SLC12A6: variants seen among roughly 807,000 people sequenced by gnomAD.
SLC12A6 encodes K-Cl cotransporter 3.
Under a neutral mutation model 135.3 loss-of-function variants are expected in SLC12A6, and 66 were observed. The observed-to-expected ratio is 0.49, with a 90% confidence interval of 0.40 to 0.60. The LOEUF (loss-of-function observed/expected upper bound fraction) is 0.60, where lower values mean the gene tolerates loss of function less well. Ranked by LOEUF, SLC12A6 falls within the 20% of genes least tolerant of loss-of-function variation. The probability of loss-of-function intolerance (pLI) is 0.00; values close to 1 mark genes in which losing one functional copy is unlikely to be tolerated. For synonymous variants in SLC12A6, 513 were observed against 508.8 expected (o/e 1.01, Z -0.11); for missense variants, 1,058 against 1,452.3 (o/e 0.73, Z 4.41).
In SLC12A6 at chr15:34,296,117, A is replaced by T. The variant is rs114996450; in HGVS notation, c.272-20728T>A. ...AATTTTATTAATGATTCCAATTCAA[A>T]TAAACAATGATAATTTAATTCCATA... On this transcript the variant is annotated intron_variant, in intron 2 of 25. Coordinates refer to ENST00000354181, the MANE Select transcript of SLC12A6 (RefSeq NM_001365088.1). Among the ~76,000 whole-genome samples the T allele has an allele frequency of 6.2e-3, 942 of 152,356 alleles. 15 individuals are homozygous for T. Among genetic ancestry groups the T allele is most frequent in the African/African-American group, 0.021 (882 of 41,594 alleles).
intron 2 of SLC12A6, among the ~76,000 whole-genome samples, chr15:34,310,791 TGTGTGTGTGTGTGTGTGTGTGTGTGTG>T: frequency 8.2e-6 from 1 of 122,198 alleles, no homozygotes; most frequent in East Asian, 2.6e-4. Context: ...TGTGTGTGTG[TGTGTGTGTGTGTGTGTGTGTGTGTGTG>T]TCCCGTGTCC....
At chr15:34,280,333 G>A (rs1349401212) in intron 2 of SLC12A6, among the ~76,000 whole-genome samples, 2 of 152,132 alleles carry the variant, frequency 1.3e-5, no homozygotes, top group African/African-American at 4.8e-5. Context: ...AAAGAAGTAG[G>A]CATGACCAAG....
chr15:34,327,463 G>A (rs981530182), intron 2 of SLC12A6, among the ~76,000 whole-genome samples: 3 of 151,990 alleles, frequency 2.0e-5, no homozygotes, highest in Non-Finnish European at 2.9e-5. Flanking sequence ...TCAAGAGTTC[G>A]AGACCTAAAC....
chr15:34,252,287 A>T lies in SLC12A6; in HGVS notation c.1216T>A (p.Trp406Arg). Reference sequence around the variant, plus strand: ...TGACTCGAGTTACAGAAGAATCCCCATAACTTTGATGGGACTGTCATGTTG... The same window carrying T: ...TGACTCGAGTTACAGAAGAATCCCCTTAACTTTGATGGGACTGTCATGTTG... ...INNMTVPSKL[W>R]GFFCNSSQFF... Residue 406 changes from tryptophan (W) to arginine (R), a missense_variant, in exon 10 of 26, where the codon TGG becomes AGG. Trp to Arg is a moderately radical substitution (Grantham distance 101). This residue lies in a region of SLC12A6 where 297 missense variants were observed against 318.5 expected (regional missense o/e 0.93). Coordinates refer to ENST00000354181, the MANE Select transcript of SLC12A6 (RefSeq NM_001365088.1). 6.2e-7 allele frequency: 1 copy of T among 1,607,314 alleles called. No homozygotes were observed. The highest frequency in any genetic ancestry group is 8.5e-7 in the Non-Finnish European group (1 of 1,173,810).
chr15:34,237,550 C>T lies in SLC12A6; in HGVS notation c.2803G>A (p.Val935Met). The T allele has an allele frequency of 1.9e-6, 3 of 1,611,238 alleles. No individual in the cohort carries two copies. Among genetic ancestry groups the T allele is most frequent in the Non-Finnish European group, 2.5e-6 (3 of 1,177,978 alleles). ...ATCCGTATGCTGCACTTTCGCCACA[C>T]CTGAGAGAGTGACATACACATGTGA... ...LLPFLLKQHK[V>M]WRKCSIRIFT... Residue 935 changes from valine to methionine, a missense_variant and splice_region_variant, in exon 22 of 26, where the codon GTG becomes ATG. Physicochemically the swap from Val to Met is conservative, Grantham distance 21 (BLOSUM62 1). Around this residue, in one of 6 missense-constraint regions of SLC12A6, gnomAD observed 245 missense variants for 440.8 expected, o/e 0.56. Transcript: ENST00000354181.
At chr15:34,322,978 CAAAAAAA>C (rs1218702689) in intron 2 of SLC12A6, among the ~76,000 whole-genome samples, 36 of 39,006 alleles carry the variant, frequency 9.2e-4, no homozygotes, top group Admixed American at 1.9e-3. Context: ...AACTCTGTCT[CAAAAAAA>C]AAAAAAAAAA....
rs1435106402 is a variant in SLC12A6 at position 34,310,796 on chromosome 15, GT to G, written c.271+25613del. 1.8e-4 allele frequency among the ~76,000 whole-genome samples: 22 copies of G among 124,346 alleles called. No homozygotes were observed. In the East Asian group the frequency reaches 5.2e-3, roughly 29 times the overall value. 81.6% of individuals were successfully genotyped at this position (124,346 alleles called of 152,430 possible). A position where few individuals can be genotyped will look rare whatever the true frequency, so the allele number is the denominator to read the frequency against. On this transcript the variant is annotated intron_variant, in intron 2 of 25. Coordinates refer to ENST00000354181, the MANE Select transcript of SLC12A6 (RefSeq NM_001365088.1). ...TGTGTGTGTGTGTGTGTGTGTGTGTGTGTGTGTGTGTGTGTGTGTGTGTCCC... is the reference window on the plus strand; with the variant it reads ...TGTGTGTGTGTGTGTGTGTGTGTGTGGTGTGTGTGTGTGTGTGTGTGTCCC...
At chr15:34,327,109 A>G (rs1889520317) in intron 2 of SLC12A6, among the ~76,000 whole-genome samples, 1 of 152,000 alleles carries the variant, frequency 6.6e-6, no homozygotes, top group East Asian at 1.9e-4. Context: ...TTTCTCCTGG[A>G]TAAGAAAAAT....
Position 34,274,689 on chromosome 15 carries a change from T to C in SLC12A6, c.316+656A>G, listed in dbSNP as rs542848863. Among the ~76,000 whole-genome samples, 8 of 152,198 alleles carry C rather than the reference T, an allele frequency of 5.3e-5. No individual in the cohort carries two copies. The East Asian group carries it at 1.5e-3, about 29-fold the overall frequency. On this transcript the variant is annotated intron_variant, in intron 3 of 25. Coordinates refer to ENST00000354181, the MANE Select transcript of SLC12A6 (RefSeq NM_001365088.1). ...TTAGCTGGGTGTGGTGGCGGGCGCCTGTAGTCCCAGCTACTTGGGAGGCTG... is the reference window on the plus strand; with the variant it reads ...TTAGCTGGGTGTGGTGGCGGGCGCCCGTAGTCCCAGCTACTTGGGAGGCTG...
At chr15:34,295,960 A>G (rs889248596) in intron 2 of SLC12A6, among the ~76,000 whole-genome samples, 25 of 152,222 alleles carry the variant, frequency 1.6e-4, no homozygotes. Flanking sequence ...AGATCACGCC[A>G]TTGTACTCCA....
chr15:34,246,533 G>A (rs779470132), intron 13 of SLC12A6, among the ~76,000 whole-genome samples: 16 of 152,000 alleles, frequency 1.1e-4, no homozygotes, highest in Non-Finnish European at 1.8e-4. Context: ...GAATAATATT[G>A]CATCACAATT....
At chr15:34,278,181 C>T (rs1247140349) in intron 2 of SLC12A6, among the ~76,000 whole-genome samples, 3 of 152,266 alleles carry the variant, frequency 2.0e-5, no homozygotes, top group East Asian at 1.9e-4. Context: ...AATTGCAGCA[C>T]TTTGGGAGGC....
At chr15:34,283,860 C>T (rs1417625801) in intron 2 of SLC12A6, among the ~76,000 whole-genome samples, 1 of 151,944 alleles carries the variant, frequency 6.6e-6, no homozygotes, top group African/African-American at 2.4e-5. Flanking sequence ...GTGATCTTCC[C>T]GCCTCAGCCT....
chr15:34,272,890 T>G (rs573984961), intron 3 of SLC12A6, among the ~76,000 whole-genome samples: 58 of 152,312 alleles, frequency 3.8e-4, no homozygotes, highest in African/African-American at 1.2e-3. Context: ...CTGCCTGTCA[T>G]GTATGTATCA....
chr15:34,263,660 A>G (rs1012346543), intron 3 of SLC12A6, among the ~76,000 whole-genome samples: 3 of 151,362 alleles, frequency 2.0e-5, no homozygotes, highest in African/African-American at 4.9e-5. Context: ...GAGAGAAGAG[A>G]AAAAAAAACA....
chr15:34,324,672 G>A (rs1595576294), intron 2 of SLC12A6, among the ~76,000 whole-genome samples: 1 of 152,116 alleles, frequency 6.6e-6, no homozygotes, highest in Non-Finnish European at 1.5e-5. Context: ...GGGAAAGTCA[G>A]TGGGAAATTA....
intron 2 of SLC12A6, among the ~76,000 whole-genome samples, chr15:34,335,488 G>A (rs1890136624): frequency 6.6e-6 from 1 of 152,118 alleles, no homozygotes; most frequent in African/African-American, 2.4e-5. Context: ...AGTCTTTAAG[G>A]GAAATTTTTA....
chr15:34,306,682 T>C (rs192982736), intron 2 of SLC12A6, among the ~76,000 whole-genome samples: 1 of 152,320 alleles, frequency 6.6e-6, no homozygotes, highest in East Asian at 1.9e-4. Flanking sequence ...TCAGTCCTGT[T>C]TACAGACTAA....
intron 2 of SLC12A6, among the ~76,000 whole-genome samples, chr15:34,287,555 T>C (rs919251373): frequency 5.9e-5 from 9 of 152,356 alleles, no homozygotes; most frequent in African/African-American, 1.7e-4. Flanking sequence ...ATCACCACAC[T>C]CTATTCCATA....
Sources: gnomAD v4.1 joint callset for allele counts (sites outside exome capture counted in the v4.1 genomes callset) on GRCh38, gnomAD v4.1.1 for gene constraint, gnomAD v4.1.1 regional missense constraint, MANE v1.5 for transcripts, NCBI Gene and HGNC (gene_info 2026-07-23, HGNC 2026-07-21) for gene names.